The following GRID2 variants were observed in gnomAD, a reference collection of about 807,000 sequenced individuals.
The protein encoded by GRID2 is glutamate ionotropic receptor delta type subunit 2.
In GRID2, 33 loss-of-function variants were observed where a neutral mutation model predicts 114.8. The observed-to-expected ratio is 0.29, with a 90% CI of 0.22 to 0.38. The LOEUF (loss-of-function observed/expected upper bound fraction) is 0.38. GRID2 is among the 10% of genes least tolerant of loss of function. GRID2 has a pLI of 1.00. For missense variants in GRID2, 1,184 were observed against 1,257.7 expected (o/e 0.94, Z 0.89); for synonymous variants, 505 against 449.9 (o/e 1.12, Z -1.55).
intron 2 of GRID2, among the ~76,000 whole-genome samples, chr4:92,995,892 T>G (rs1755167560): frequency 6.6e-6 from 1 of 152,204 alleles, no homozygotes; most frequent in African/African-American, 2.4e-5. Context: ...AGACTTGATA[T>G]TCTACTGATC....
Position 92,564,956 on chromosome 4 carries a change from G to C in GRID2, c.89-25175G>C, listed in dbSNP as rs576607206. On this transcript the variant is annotated intron_variant, in intron 1 of 15. Coordinates refer to ENST00000282020, the MANE Select transcript of GRID2 (RefSeq NM_001510.4). ...TATATCATGCCAGAATGCATTTGCTGTTCCCCTATCAAGTGATCACCATTG... is the reference window on the plus strand; with the variant it reads ...TATATCATGCCAGAATGCATTTGCTCTTCCCCTATCAAGTGATCACCATTG... Among the ~76,000 whole-genome samples the C allele has an allele frequency of 7.2e-5, 11 of 152,010 alleles. No homozygotes were observed. In the South Asian group the frequency reaches 2.1e-3, roughly 29 times the overall value.
intron 11 of GRID2, among the ~76,000 whole-genome samples, chr4:93,463,436 T>C (rs1723938768): frequency 6.6e-6 from 1 of 152,200 alleles, no homozygotes; most frequent in African/African-American, 2.4e-5. Flanking sequence ...CAGAAAATTC[T>C]TTCTCATGCT....
chr4:93,462,288 A>C (rs1723820907), intron 11 of GRID2, among the ~76,000 whole-genome samples: 1 of 152,178 alleles, frequency 6.6e-6, no homozygotes, highest in Non-Finnish European at 1.5e-5. Flanking sequence ...ACGCCGATGG[A>C]TCTTAACCAA....
At chr4:92,726,647 A>T (rs2149321203) in intron 2 of GRID2, among the ~76,000 whole-genome samples, 1 of 152,228 alleles carries the variant, frequency 6.6e-6, no homozygotes, top group Admixed American at 6.5e-5. Context: ...AACAAAATTA[A>T]TTTTTATAAT....
At chr4:92,477,038 C>CGTGTGT in intron 1 of GRID2, among the ~76,000 whole-genome samples, 1 of 104,812 alleles carries the variant, frequency 9.5e-6, no homozygotes, top group Admixed American at 1.1e-4. Flanking sequence ...GATTTAACTT[C>CGTGTGT]ATGTGTGTGT....
intron 2 of GRID2, among the ~76,000 whole-genome samples, chr4:92,984,829 T>A (rs1436859868): frequency 6.6e-6 from 1 of 152,066 alleles, no homozygotes; most frequent in Non-Finnish European, 1.5e-5. Flanking sequence ...AGCTTCTTTG[T>A]TGAGTCTTTT....
chr4:92,929,502 G>A (rs1430637663), intron 2 of GRID2, among the ~76,000 whole-genome samples: 3 of 151,236 alleles, frequency 2.0e-5, no homozygotes, highest in Non-Finnish European at 4.4e-5. Flanking sequence ...AGTAAGTATG[G>A]ATGCATTTTT....
At chr4:92,794,597 G>C (rs955986890) in intron 2 of GRID2, among the ~76,000 whole-genome samples, 1 of 151,494 alleles carries the variant, frequency 6.6e-6, no homozygotes, top group Non-Finnish European at 1.5e-5. Flanking sequence ...CCGAATATTT[G>C]CAATTGAAAC....
At chr4:92,963,114 C>T (rs922217484) in intron 2 of GRID2, among the ~76,000 whole-genome samples, 4 of 152,002 alleles carry the variant, frequency 2.6e-5, no homozygotes, top group Non-Finnish European at 2.9e-5. Flanking sequence ...TAACAATCTT[C>T]TGGGCCTTCA....
intron 14 of GRID2, among the ~76,000 whole-genome samples, chr4:93,748,172 G>C (rs1402638404): frequency 6.6e-6 from 1 of 152,002 alleles, no homozygotes; most frequent in Non-Finnish European, 1.5e-5. Flanking sequence ...TATTTGTTTG[G>C]AAGTCTAACA....
intron 8 of GRID2, among the ~76,000 whole-genome samples, chr4:93,326,252 A>C (rs1041344749): frequency 6.6e-6 from 1 of 152,138 alleles, no homozygotes; most frequent in Non-Finnish European, 1.5e-5. Context: ...TCACCCCATC[A>C]TGGTTACGAT....
At chr4:93,392,331 C>A (rs1241561073) in intron 8 of GRID2, among the ~76,000 whole-genome samples, 1 of 152,020 alleles carries the variant, frequency 6.6e-6, no homozygotes, top group African/African-American at 2.4e-5. Context: ...ATTCAGACAT[C>A]GAAACCAGAG....
intron 1 of GRID2, among the ~76,000 whole-genome samples, chr4:92,485,340 ATATATATAGTGT>A (rs1268322956): frequency 5.0e-4 from 41 of 82,410 alleles, no homozygotes; most frequent in Non-Finnish European, 8.4e-4. Flanking sequence ...ATATATATAT[ATATATATAGTGT>A]GTGTGTGTGT....
At chr4:92,392,158 G>A (rs1170249458) in intron 1 of GRID2, among the ~76,000 whole-genome samples, 7 of 152,022 alleles carry the variant, frequency 4.6e-5, no homozygotes, top group Non-Finnish European at 8.8e-5. Flanking sequence ...TTTTTAAAAC[G>A]TTTGCTTTTA....
chr4:93,510,307 T>C (rs1188003268), intron 12 of GRID2, among the ~76,000 whole-genome samples: 2 of 152,188 alleles, frequency 1.3e-5, no homozygotes, highest in East Asian at 3.9e-4. Context: ...AATGTAGTTT[T>C]TAATCTTAGA....
intron 8 of GRID2, among the ~76,000 whole-genome samples, chr4:93,382,412 C>T (rs1295893191): frequency 6.6e-6 from 1 of 151,932 alleles, no homozygotes; most frequent in East Asian, 1.9e-4. Context: ...TCTCTGTTCA[C>T]TTTTCTTTAA....
At chr4:93,301,445 G>A (rs543971354) in intron 8 of GRID2, among the ~76,000 whole-genome samples, 1 of 152,140 alleles carries the variant, frequency 6.6e-6, no homozygotes, top group East Asian at 1.9e-4. Flanking sequence ...TTAACATGAA[G>A]AACAACATAT....
At chr4:93,596,906 AAT>A (rs1408876816) in intron 13 of GRID2, among the ~76,000 whole-genome samples, 1 of 152,206 alleles carries the variant, frequency 6.6e-6, no homozygotes, top group African/African-American at 2.4e-5. Flanking sequence ...TTAATTTCAA[AAT>A]ATATCTGGCT....
chr4:93,559,896 G>A (rs1356240992), intron 13 of GRID2, among the ~76,000 whole-genome samples: 3 of 152,120 alleles, frequency 2.0e-5, no homozygotes, highest in African/African-American at 7.2e-5. Flanking sequence ...ATACAATGCA[G>A]CCATAAAAAA....
Sources: gnomAD v4.1 joint callset for allele counts (sites outside exome capture counted in the v4.1 genomes callset) on GRCh38, gnomAD v4.1.1 for gene constraint, MANE v1.5 for transcripts, NCBI Gene and HGNC (gene_info 2026-07-23, HGNC 2026-07-21) for gene names.